Variants in TBC1D4 observed in about 807,000 individuals in gnomAD.
TBC1D4 encodes TBC (Tre-2, BUB2, CDC16) domain-containing protein.
Under a neutral mutation model 142.5 loss-of-function variants are expected in TBC1D4, and 121 were observed. The ratio of observed to expected loss-of-function variants is 0.85; its 90% CI spans 0.73 to 0.99. TBC1D4 has a LOEUF of 0.99. TBC1D4 is among the 50% of genes least tolerant of loss of function. The pLI is 0.00. For missense variants in TBC1D4, 1,475 were observed against 1,606.6 expected (o/e 0.92, Z 1.40); for synonymous variants, 630 against 628.2 (o/e 1.00, Z -0.04).
chr13:75,388,088 A>G (rs1026876195), intron 1 of TBC1D4, among the ~76,000 whole-genome samples: 2 of 152,190 alleles, frequency 1.3e-5, no homozygotes, highest in Non-Finnish European at 2.9e-5. Flanking sequence ...CCACCTGCAA[A>G]GCCGGCAATA....
intron 5 of TBC1D4, among the ~76,000 whole-genome samples, chr13:75,348,954 A>AGAGAGAGTGT (rs969343152): frequency 1.4e-5 from 2 of 139,084 alleles, no homozygotes; most frequent in South Asian, 2.5e-4. Context: ...AGAGAGAGAG[A>AGAGAGAGTGT]GTGTGTGTGT....
At chr13:75,364,681 G>A (rs1882795887) in intron 1 of TBC1D4, among the ~76,000 whole-genome samples, 1 of 152,170 alleles carries the variant, frequency 6.6e-6, no homozygotes, top group African/African-American at 2.4e-5. Context: ...TGATTCTAGT[G>A]GGCAAAGCCC....
intron 12 of TBC1D4, among the ~76,000 whole-genome samples, chr13:75,313,194 A>G (rs1877957219): frequency 6.6e-6 from 1 of 152,262 alleles, no homozygotes; most frequent in Admixed American, 6.5e-5. Context: ...GGAGGAGTAC[A>G]GGTTGCTTAA....
intron 1 of TBC1D4, among the ~76,000 whole-genome samples, chr13:75,377,877 A>G (rs2138240441): frequency 6.6e-6 from 1 of 151,990 alleles, no homozygotes; most frequent in South Asian, 2.1e-4. Flanking sequence ...TACAATGAAT[A>G]TATAAAAGTA....
At chr13:75,446,410 T>TA (rs953662910) in intron 1 of TBC1D4, among the ~76,000 whole-genome samples, 5 of 152,170 alleles carry the variant, frequency 3.3e-5, no homozygotes, top group African/African-American at 7.2e-5. Flanking sequence ...TGCTTCTTTC[T>TA]AAAAAAAGCT....
chr13:75,308,886 A>G (rs1354143196), intron 14 of TBC1D4, among the ~76,000 whole-genome samples: 2 of 152,204 alleles, frequency 1.3e-5, no homozygotes, highest in Non-Finnish European at 2.9e-5. Context: ...GCTAACAGCG[A>G]TTTTAAAAAA....
intron 1 of TBC1D4, among the ~76,000 whole-genome samples, chr13:75,386,075 T>G (rs191250741): frequency 6.6e-6 from 1 of 152,302 alleles, no homozygotes; most frequent in East Asian, 1.9e-4. Context: ...TACCCATAAA[T>G]ACTAAACAGA....
At chr13:75,421,245 CTTTTTGGACCCT>C (rs1886155252) in intron 1 of TBC1D4, among the ~76,000 whole-genome samples, 2 of 152,148 alleles carry the variant, frequency 1.3e-5, no homozygotes, top group Admixed American at 6.5e-5. Flanking sequence ...CTCACAAAGC[CTTTTTGGACCCT>C]TTGGCCACGT....
In TBC1D4 at chr13:75,459,763, T is replaced by G. The variant is rs78484524; in HGVS notation, c.498+21507A>C. On this transcript the variant is annotated intron_variant, in intron 1 of 20. Coordinates refer to ENST00000377636, the MANE Select transcript of TBC1D4 (RefSeq NM_014832.5). Reference sequence around the variant, plus strand: ...TATACTTCTTATAACCCTGGACACATAGCACAGTCCTACTCAGAAAGGAAA... The same window carrying G: ...TATACTTCTTATAACCCTGGACACAGAGCACAGTCCTACTCAGAAAGGAAA... Among the ~76,000 whole-genome samples the G allele has an allele frequency of 5.8e-3, 876 of 152,282 alleles. 29 individuals carry two copies. The East Asian group carries it at 0.071, about 12-fold the overall frequency.
chr13:75,366,200 T>C (rs1882898523), intron 1 of TBC1D4, among the ~76,000 whole-genome samples: 1 of 152,154 alleles, frequency 6.6e-6, no homozygotes, highest in Non-Finnish European at 1.5e-5. Context: ...ATTTAATCTA[T>C]TAACACAAAA....
chr13:75,335,581 G>A (rs1427308669), intron 8 of TBC1D4, among the ~76,000 whole-genome samples: 1 of 152,156 alleles, frequency 6.6e-6, no homozygotes. Flanking sequence ...CCTGGTGGGA[G>A]GTGACCGGAT....
intron 1 of TBC1D4, among the ~76,000 whole-genome samples, chr13:75,465,064 C>T (rs1888113701): frequency 6.6e-6 from 1 of 152,152 alleles, no homozygotes; most frequent in Non-Finnish European, 1.5e-5. Context: ...TTCACTCACT[C>T]CTCGCAACAG....
chr13:75,465,882 G>C (rs1888146526), intron 1 of TBC1D4, among the ~76,000 whole-genome samples: 1 of 152,218 alleles, frequency 6.6e-6, no homozygotes, highest in South Asian at 2.1e-4. Context: ...TAAGTCTTTA[G>C]AAAATAACTC....
chr13:75,306,171 C>T, intron 15 of TBC1D4, 142 bp downstream of exon 15: 1 of 774,540 alleles, frequency 1.3e-6, no homozygotes, highest in Non-Finnish European at 2.0e-6. Context: ...CAGGAAGAAA[C>T]AAATTACTTC....
At position 75,351,087 on chromosome 13, in the gene TBC1D4, A is replaced by G. The variant is rs1881549807; in HGVS notation, c.1276-1785T>C. Among the ~76,000 whole-genome samples the G allele has an allele frequency of 2.0e-5, 3 of 152,322 alleles. No homozygotes were observed. The South Asian group carries it at 6.2e-4, about 32-fold the overall frequency. ...GCAAAGATAAATCAATCATACACCA[A>G]CAGAAAGAAAGTACCTATTTTTGGC... On this transcript the variant is annotated intron_variant, in intron 4 of 20. Coordinates refer to ENST00000377636, the MANE Select transcript of TBC1D4 (RefSeq NM_014832.5).
At position 75,410,797 on chromosome 13, in the gene TBC1D4, G is replaced by T. The variant is rs367727011; in HGVS notation, c.499-48190C>A. ...TAAAAATACAAAAAATTAGCCGGGC[G>T]TGGTAGCGGGCACCTGTAGTCCCAG... On this transcript the variant is annotated intron_variant, in intron 1 of 20. Transcript: ENST00000377636. Among the ~76,000 whole-genome samples, 34 of 150,650 alleles carry T rather than the reference G, an allele frequency of 2.3e-4. No homozygotes were observed. The East Asian group carries it at 5.9e-3, about 26-fold the overall frequency.
rs567076599 is a variant in TBC1D4, at chr13:75,338,069, A to C, written c.1612-1029T>G. Among the ~76,000 whole-genome samples, 10 of 152,332 alleles carry C rather than the reference A, an allele frequency of 6.6e-5. No individual in the cohort carries two copies. The Middle Eastern group carries it at 0.02, about 311-fold the overall frequency. On this transcript the variant is annotated intron_variant, in intron 7 of 20. Coordinates refer to ENST00000377636, the MANE Select transcript of TBC1D4 (RefSeq NM_014832.5). ...AATCCAAATTTATAAGCTGAGGGAAATCCCTGTGAATGTAATGTTTTAGGG... is the reference window on the plus strand; with the variant it reads ...AATCCAAATTTATAAGCTGAGGGAACTCCCTGTGAATGTAATGTTTTAGGG...
chr13:75,400,235 C>T (rs1393081367), intron 1 of TBC1D4, among the ~76,000 whole-genome samples: 1 of 152,212 alleles, frequency 6.6e-6, no homozygotes, highest in Non-Finnish European at 1.5e-5. Context: ...TATACAATCA[C>T]TAAATCCTAT....
intron 5 of TBC1D4, among the ~76,000 whole-genome samples, chr13:75,342,781 C>T (rs1880816800): frequency 6.6e-6 from 1 of 151,682 alleles, no homozygotes; most frequent in Non-Finnish European, 1.5e-5. Context: ...AGTTAGGTTC[C>T]ACTTAGAGTA....
Sources: gnomAD v4.1 joint callset for allele counts (sites outside exome capture counted in the v4.1 genomes callset) on GRCh38, gnomAD v4.1.1 for gene constraint, MANE v1.5 for transcripts, NCBI Gene and HGNC (gene_info 2026-07-23, HGNC 2026-07-21) for gene names.